CDC45: variants seen among roughly 807,000 people sequenced by gnomAD.
The protein encoded by CDC45 is cell division control protein 45 homolog.
A neutral mutation model predicts 77.8 loss-of-function variants in CDC45; 54 were observed. The observed-to-expected ratio is 0.69, with a 90% CI of 0.56 to 0.87. CDC45 has a LOEUF of 0.87. Among genes scored for constraint, CDC45 ranks in the 40% least tolerant of loss-of-function variants. The probability of loss-of-function intolerance (pLI) is 0.00; values close to 1 mark genes in which losing one functional copy is unlikely to be tolerated. For synonymous variants in CDC45, 260 were observed against 272.1 expected, an observed-to-expected ratio of 0.96 and a Z score of 0.44; for missense variants, 649 against 721.6, an observed-to-expected ratio of 0.90 and a Z score of 1.15.
intron 5 of CDC45, among the ~76,000 whole-genome samples, chr22:19,491,143 T>G (rs1216604361): frequency 6.6e-6 from 1 of 152,182 alleles, no homozygotes; most frequent in Admixed American, 6.5e-5. Context: ...TCTCTTAATG[T>G]CTTTTACTCT....
rs117436672 is a variant in CDC45 at position 19,515,509 on chromosome 22, A to C, written c.1440+461A>C. 5.1e-4 allele frequency among the ~76,000 whole-genome samples: 77 copies of C among 152,304 alleles called. 3 individuals are homozygous for C. The East Asian group carries it at 0.014, about 27-fold the overall frequency. On this transcript the variant is annotated intron_variant, in intron 15 of 18. Coordinates refer to ENST00000263201, the MANE Select transcript of CDC45 (RefSeq NM_003504.5). ...GGGCAGGGGTCCTCACCTAGCCGAC[A>C]TGGGGCTCCTCCCAGATGTGACATG... is the stretch of plus-strand genomic sequence containing the variant.
intron 18 of CDC45, among the ~76,000 whole-genome samples, chr22:19,519,629 C>A (rs13447295): frequency 0.046 from 7,030 of 152,358 alleles, 216 homozygotes; most frequent in Middle Eastern, 0.15. Context: ...GGCAGATGGG[C>A]CCTGCCAAGA....
At chr22:19,484,859 C>A (rs542038764) in intron 5 of CDC45, among the ~76,000 whole-genome samples, 1 of 152,154 alleles carries the variant, frequency 6.6e-6, no homozygotes, top group African/African-American at 2.4e-5. Context: ...CATAGGGAAC[C>A]TCTTGGACCC....
At chr22:19,484,509 C>A (rs181484596) in intron 5 of CDC45, among the ~76,000 whole-genome samples, 1 of 152,216 alleles carries the variant, frequency 6.6e-6, no homozygotes, top group African/African-American at 2.4e-5. Flanking sequence ...GGGGCTGGGC[C>A]CAGTGGCCTA....
rs543325621 is a variant in CDC45 at position 19,501,366 on chromosome 22, T to C, written c.704+2215T>C. On this transcript the variant is annotated intron_variant, in intron 9 of 18. Transcript: ENST00000263201. ...GGTGCCCTGCCTGTTGACGGAGCAG[T>C]GTCAACCTTCGGTGCATAAACTGCT... Among the ~76,000 whole-genome samples, 5 of 152,288 alleles carry C rather than the reference T, an allele frequency of 3.3e-5. No homozygotes were observed. The East Asian group carries it at 5.8e-4, about 18-fold the overall frequency.
In CDC45 at chr22:19,518,905, C is replaced by T. The variant is rs971276721; in HGVS notation, c.1698C>T (p.Ser566=). 1.2e-6 allele frequency: 2 copies of T among 1,613,474 alleles called. No individual in the cohort carries two copies. The highest frequency in any genetic ancestry group is 3.3e-5 in the Admixed American group (2 of 60,014). The change falls in exon 18 of 19, where the codon TCC becomes TCT. Residue 566 remains serine (S), a synonymous_variant. Coordinates refer to ENST00000263201, the MANE Select transcript of CDC45 (RefSeq NM_003504.5). ...KFLDALISLL[S] ...TGGACGCACTTATTTCCCTCCTGTC[C>T]TAGGGTGAGTTACAGGGGTTCTGCA...
Position 19,505,335 on chromosome 22 carries a change from C to T in CDC45, c.705-27C>T, listed in dbSNP as rs13447251. On this transcript the variant is annotated intron_variant, in intron 9 of 18. Coordinates refer to ENST00000263201, the MANE Select transcript of CDC45 (RefSeq NM_003504.5). Reference sequence around the variant, plus strand: ...CTGGTAAGAGCTGGAGGGAACCAGCCGAGGCTTGTGCTACTTTTTTTTCCA... The same window carrying T: ...CTGGTAAGAGCTGGAGGGAACCAGCTGAGGCTTGTGCTACTTTTTTTTCCA... 1.1e-3 allele frequency: 1,732 copies of T among 1,613,942 alleles called. 24 individuals are homozygous for T. The East Asian group carries it at 0.034, about 32-fold the overall frequency.
intron 10 of CDC45, 145 bp from the exon 11 acceptor site, chr22:19,507,241 G>A (rs1196690002): frequency 1.1e-6 from 1 of 919,884 alleles, no homozygotes; most frequent in East Asian, 2.5e-5. Flanking sequence ...AGGTCAAAGG[G>A]CTCCAGGTCA....
At chr22:19,489,824 G>C (rs1475125271) in intron 5 of CDC45, among the ~76,000 whole-genome samples, 2 of 152,176 alleles carry the variant, frequency 1.3e-5, no homozygotes, top group Non-Finnish European at 2.9e-5. Flanking sequence ...GTTGAGTTCT[G>C]TTTGCTTGCT....
intron 10 of CDC45, among the ~76,000 whole-genome samples, 199 bp from the exon 11 acceptor site, chr22:19,507,187 C>T (rs993623286): frequency 5.9e-5 from 9 of 152,218 alleles, no homozygotes; most frequent in African/African-American, 2.2e-4. Flanking sequence ...TGGTCTATGC[C>T]TGTCACTTCA....
intron 4 of CDC45, among the ~76,000 whole-genome samples, chr22:19,483,249 G>A (rs1036615831): frequency 5.3e-5 from 8 of 152,142 alleles, no homozygotes; most frequent in African/African-American, 1.9e-4. Context: ...TGGCTAACAT[G>A]GTGAAACCCC....
rs769332983 is a variant in CDC45 at position 19,482,804 on chromosome 22, G to C, written c.319G>C (p.Val107Leu). ...TGACACCCATAGGCCAGTCAATGTC[G>C]TCAATGTATACAACGATACCCAGGT... ...VCDTHRPVNV[V>L]NVYNDTQIKL... Residue 107 changes from valine (V) to leucine (L), a missense_variant, in exon 4 of 19, where the codon GTC becomes CTC. Coordinates refer to ENST00000263201, the MANE Select transcript of CDC45 (RefSeq NM_003504.5). 1 of 1,613,952 alleles carries C rather than the reference G, an allele frequency of 6.2e-7. No homozygotes were observed. The highest frequency in any genetic ancestry group is 1.7e-5 in the Admixed American group (1 of 60,020).
At chr22:19,516,671 A>G (rs1209999922) in intron 16 of CDC45, 26 bp downstream of exon 16, 1 of 1,583,604 alleles carries the variant, frequency 6.3e-7, no homozygotes, top group Non-Finnish European at 8.6e-7. Context: ...TCGTCCTGGG[A>G]CTGGAGGGTC....
intron 15 of CDC45, 129 bp from the exon 16 acceptor site, chr22:19,516,398 G>A: frequency 1.3e-6 from 1 of 754,260 alleles, no homozygotes; most frequent in East Asian, 2.5e-5. Context: ...GGGGACCAAG[G>A]CGTCTCCTGG....
intron 5 of CDC45, among the ~76,000 whole-genome samples, chr22:19,490,551 T>G (rs182307488): frequency 1.3e-5 from 2 of 151,978 alleles, no homozygotes; most frequent in East Asian, 3.9e-4. Flanking sequence ...ATTTTTTGTA[T>G]TTTTAGTAGA....
intron 16 of CDC45, 49 bp from the exon 17 acceptor site, chr22:19,516,768 G>A (rs530019056): frequency 7.2e-7 from 1 of 1,384,806 alleles, no homozygotes; most frequent in Admixed American, 1.7e-5. Flanking sequence ...GGGGTGGGAA[G>A]GGTCCATTGC....
In CDC45 at chr22:19,516,740, G is replaced by C. The variant is rs1933816498; in HGVS notation, c.1560-77G>C. ...CTGAGTAGAGTGGTATTTGCCTCTA[G>C]TGTCTGTCCTGGGGCGGGGGGTGGG... On this transcript the variant is annotated intron_variant, in intron 16 of 18. Coordinates refer to ENST00000263201, the MANE Select transcript of CDC45 (RefSeq NM_003504.5). The C allele has an allele frequency of 5.3e-6, 5 of 938,230 alleles. No homozygotes were observed. The Admixed American group carries it at 8.0e-5, about 15-fold the overall frequency. 58.1% of individuals were successfully genotyped at this position (938,230 alleles called of 1,614,324 possible). A position where few individuals can be genotyped will look rare whatever the true frequency, so the allele number is the denominator to read the frequency against.
At chr22:19,486,058 G>A (rs995860834) in intron 5 of CDC45, among the ~76,000 whole-genome samples, 5 of 152,094 alleles carry the variant, frequency 3.3e-5, no homozygotes, top group African/African-American at 1.2e-4. Flanking sequence ...GTCTCACTCT[G>A]TCACTGAGGC....
rs1335625203 is a variant in CDC45 at position 19,499,166 on chromosome 22, C to T, written c.704+15C>T. The stretch of plus-strand genomic sequence containing the variant: ...AAGATCACTCAGTAAGGACACACTC[C>T]CTTGCCTTGCAGGGTCAGCCCTGTG... On this transcript the variant is annotated intron_variant, in intron 9 of 18. Transcript: ENST00000263201. 2.6e-5 allele frequency: 42 copies of T among 1,613,654 alleles called. No individual in the cohort carries two copies. Among genetic ancestry groups the T allele is most frequent in the Non-Finnish European group, 3.1e-5 (36 of 1,179,738 alleles).
Sources: allele counts gnomAD v4.1 joint callset (sites outside exome capture counted in the v4.1 genomes callset), GRCh38; gene constraint gnomAD v4.1.1; transcripts MANE v1.5; gene names NCBI Gene and HGNC (gene_info 2026-07-23, HGNC 2026-07-21).